RHAG: variants seen among roughly 807,000 people sequenced by gnomAD.
RHAG encodes the protein Rh associated glycoprotein.
Under a neutral mutation model 42.4 loss-of-function variants are expected in RHAG, and 25 were observed. The observed-to-expected ratio is 0.59, with a 90% confidence interval of 0.43 to 0.82. The LOEUF is 0.82. Among genes scored for constraint, RHAG ranks in the 40% least tolerant of loss-of-function variants. The pLI is 0.00. For synonymous variants in RHAG, 182 were observed against 177.7 expected, an observed-to-expected ratio of 1.02 and a Z score of -0.19; for missense variants, 483 against 504.6, an observed-to-expected ratio of 0.96 and a Z score of 0.41.
At chr6:49,607,051 G>A (rs1762480889) in intron 8 of RHAG, 99 bp downstream of exon 8, 1 of 1,264,658 alleles carries the variant, frequency 7.9e-7, no homozygotes, top group Non-Finnish European at 1.1e-6. Context: ...CAGAAGTTTA[G>A]AACATTTTTG....
chr6:49,609,847 C>T (rs989388594), intron 7 of RHAG, among the ~76,000 whole-genome samples: 1 of 152,134 alleles, frequency 6.6e-6, no homozygotes, highest in Non-Finnish European at 1.5e-5. Context: ...CTTCTTCATG[C>T]TTTCAATTGG....
At chr6:49,628,590 C>T (rs1013319066) in intron 1 of RHAG, among the ~76,000 whole-genome samples, 2 of 151,938 alleles carry the variant, frequency 1.3e-5, no homozygotes, top group African/African-American at 4.8e-5. Flanking sequence ...CTCCCTGGCT[C>T]AGGAGTGAAG....
intron 1 of RHAG, among the ~76,000 whole-genome samples, chr6:49,631,750 T>C (rs905262212): frequency 1.3e-5 from 2 of 152,228 alleles, no homozygotes; most frequent in Admixed American, 1.3e-4. Flanking sequence ...GGCAAAACTG[T>C]CCAATTCAAA....
rs765056706 is a variant in RHAG, at chr6:49,618,101, G to T, written c.459C>A (p.Ala153=). The part of the protein sequence containing the change: ...IMTILEIVFF[A]HNEYLVSEIF... ...TTTCACTAACCAGGTATTCATTGTG[G>T]GCAAAGAAAACAATTTCTAAAATTG... Residue 153 remains alanine, a synonymous_variant, in exon 3 of 10, where the codon GCC becomes GCA. Transcript: ENST00000371175. 1 of 1,613,820 alleles carries T rather than the reference G, an allele frequency of 6.2e-7. No individual in the cohort carries two copies. The highest frequency in any genetic ancestry group is 1.1e-5 in the South Asian group (1 of 91,064).
At chr6:49,611,216 A>G (rs1478302308) in intron 6 of RHAG, 71 bp from the exon 7 acceptor site, 10 of 1,257,230 alleles carry the variant, frequency 8.0e-6, no homozygotes, top group Admixed American at 1.7e-5. Context: ...AAACAGAGCT[A>G]TAGCTGGGCT....
intron 1 of RHAG, among the ~76,000 whole-genome samples, chr6:49,625,988 G>T (rs999601921): frequency 6.6e-6 from 1 of 152,160 alleles, no homozygotes; most frequent in Non-Finnish European, 1.5e-5. Flanking sequence ...GCGCAGGAAA[G>T]AGTGGCCCCC....
rs552969865 is a variant in RHAG at position 49,625,149 on chromosome 6, T to C, written c.158-5787A>G. On this transcript the variant is annotated intron_variant, in intron 1 of 9. Transcript: ENST00000371175. ...AGAATACATTCTCACCCTTTAAAAG[T>C]TGACTGATGTTAGTGAAGACCAAGA... Among the ~76,000 whole-genome samples, 9 of 152,360 alleles carry C rather than the reference T, an allele frequency of 5.9e-5. 1 individual carries two copies. The East Asian group carries it at 7.7e-4, about 13-fold the overall frequency.
intron 1 of RHAG, among the ~76,000 whole-genome samples, chr6:49,629,921 G>A (rs192020705): frequency 2.6e-5 from 4 of 152,178 alleles, no homozygotes; most frequent in Non-Finnish European, 4.4e-5. Context: ...GTTCCCGCTC[G>A]CGCCTCTCCC....
At position 49,612,544 on chromosome 6, in the gene RHAG, C is replaced by T. The variant is rs377166659; in HGVS notation, c.808-10G>A. 88 of 1,613,806 alleles carry T rather than the reference C, an allele frequency of 5.5e-5. No individual in the cohort carries two copies. The highest frequency in any genetic ancestry group is 6.7e-5 in the Non-Finnish European group (79 of 1,179,808). On this transcript the variant is annotated splice_polypyrimidine_tract_variant and intron_variant, in intron 5 of 9. Transcript: ENST00000371175. ...CATTCTGAATGTGAACCTGTGTGAG[C>T]GGCAGAAACATAAATGAGGTGAGCT...
At chr6:49,606,332 T>C (rs991290639) in intron 9 of RHAG, among the ~76,000 whole-genome samples, 1 of 152,200 alleles carries the variant, frequency 6.6e-6, no homozygotes, top group Non-Finnish European at 1.5e-5. Flanking sequence ...AATCTCACAC[T>C]ATTTCTGAGA....
intron 4 of RHAG, 123 bp downstream of exon 4, chr6:49,615,501 C>T (rs1372193523): frequency 3.6e-6 from 4 of 1,111,128 alleles, no homozygotes; most frequent in East Asian, 4.8e-5. Context: ...GCTGAGGATA[C>T]AGTCGTTCAC....
rs756902894 is a variant in RHAG, at chr6:49,612,554, A to G, written c.808-20T>C. On this transcript the variant is annotated intron_variant, in intron 5 of 9. Coordinates refer to ENST00000371175, the MANE Select transcript of RHAG (RefSeq NM_000324.3). Reference sequence around the variant, plus strand: ...GTGAACCTGTGTGAGCGGCAGAAACATAAATGAGGTGAGCTGGATGATGGA... The same window carrying G: ...GTGAACCTGTGTGAGCGGCAGAAACGTAAATGAGGTGAGCTGGATGATGGA... 4.5e-5 allele frequency: 73 copies of G among 1,613,820 alleles called. No homozygotes were observed. The highest frequency in any genetic ancestry group is 5.7e-5 in the Non-Finnish European group (67 of 1,179,840).
At chr6:49,616,354 C>CAAAAAAAAAAAAAAAAAAAAAAAA (rs34416373) in intron 3 of RHAG, among the ~76,000 whole-genome samples, 1 of 108,770 alleles carries the variant, frequency 9.2e-6, no homozygotes, top group African/African-American at 4.1e-5. Flanking sequence ...AATCTCAAAC[C>CAAAAAAAAAAAAAAAAAAAAAAAA]AAAAAAAAAA....
intron 9 of RHAG, 141 bp downstream of exon 9, chr6:49,606,707 A>T: frequency 1.4e-6 from 1 of 716,010 alleles, no homozygotes. Context: ...ACGTGCTGAG[A>T]TTACATGTGT....
At chr6:49,628,970 C>T (rs983873207) in intron 1 of RHAG, among the ~76,000 whole-genome samples, 1 of 152,302 alleles carries the variant, frequency 6.6e-6, no homozygotes, top group South Asian at 2.1e-4. Context: ...CTTTTATTCT[C>T]TTATCTGGCC....
chr6:49,626,607 C>A (rs1762849005), intron 1 of RHAG, among the ~76,000 whole-genome samples: 1 of 152,144 alleles, frequency 6.6e-6, no homozygotes, highest in Non-Finnish European at 1.5e-5. Context: ...GTGGATCTAC[C>A]ATTCTGGGGT....
Position 49,615,101 on chromosome 6 carries a change from C to T in RHAG, c.641-248G>A, listed in dbSNP as rs935100265. The T allele has an allele frequency of 6.7e-6, 3 of 444,806 alleles. No homozygotes were observed. In the Admixed American group the frequency reaches 1.1e-4, roughly 16 times the overall value. The allele number at this position is 444,806 out of a possible 1,614,324, so 27.6% of individuals were successfully genotyped here. ...TAGCTGGGATTACAGGTGCGGGCTA[C>T]CATGTCCACCTAACTTTTTTTTGTA... On this transcript the variant is annotated intron_variant, in intron 4 of 9. Transcript: ENST00000371175.
chr6:49,616,095 C>T (rs1030888033), intron 3 of RHAG, among the ~76,000 whole-genome samples: 1 of 152,102 alleles, frequency 6.6e-6, no homozygotes, highest in South Asian at 2.1e-4. Flanking sequence ...TGTGGTGAGA[C>T]TTAGATAAGA....
Position 49,605,564 on chromosome 6 carries a change from T to C in RHAG, c.*249A>G. 1 of 574,614 alleles carries C rather than the reference T, an allele frequency of 1.7e-6. No individual in the cohort carries two copies. Among genetic ancestry groups the C allele is most frequent in the Non-Finnish European group, 3.1e-6 (1 of 318,052 alleles). 35.6% of individuals were successfully genotyped at this position (574,614 alleles called of 1,614,324 possible). On this transcript the variant is annotated 3_prime_UTR_variant, in exon 10 of 10. Transcript: ENST00000371175. ...AGAAGATCTATTTGATTATCTGTTT[T>C]ATGAGTAACATCCCCTCAATTAATC...
Sources: allele counts gnomAD v4.1 joint callset (sites outside exome capture counted in the v4.1 genomes callset), GRCh38; gene constraint gnomAD v4.1.1; transcripts MANE v1.5; gene names NCBI Gene and HGNC (gene_info 2026-07-23, HGNC 2026-07-21).